Variants in C8orf34 observed in about 807,000 individuals in gnomAD.
C8orf34 encodes uncharacterized protein C8orf34.
C8orf34 carries 65 observed loss-of-function variants against 68.3 expected under a neutral mutation model. The observed-to-expected ratio is 0.95, with a 90% CI of 0.78 to 1.17. C8orf34 has a LOEUF of 1.17. Among genes scored for constraint, C8orf34 ranks in the 50% most tolerant of loss-of-function variants. The pLI, the probability that C8orf34 is intolerant of heterozygous loss-of-function variation, is 0.00. For missense variants in C8orf34, 664 were observed against 655.4 expected (o/e 1.01, Z -0.14); for synonymous variants, 244 against 241.2 (o/e 1.01, Z -0.11).
chr8:68,344,660 G>GT (rs1806207498), intron 1 of C8orf34, among the ~76,000 whole-genome samples: 1 of 152,088 alleles, frequency 6.6e-6, no homozygotes, highest in South Asian at 2.1e-4. Flanking sequence ...CCAAAATATA[G>GT]TTTTTTAACT....
intron 5 of C8orf34, among the ~76,000 whole-genome samples, chr8:68,496,220 T>A (rs919316388): frequency 6.6e-6 from 1 of 152,206 alleles, no homozygotes; most frequent in African/African-American, 2.4e-5. Flanking sequence ...ATAGACTCAA[T>A]AGACAGTTCA....
chr8:68,430,261 G>T (rs1586125054), intron 1 of C8orf34, among the ~76,000 whole-genome samples: 1 of 152,310 alleles, frequency 6.6e-6, no homozygotes, highest in East Asian at 1.9e-4. Flanking sequence ...TGAGGATGGT[G>T]CACCCCGACC....
chr8:68,466,738 C>CATACATATATATATAT (rs1812155225), intron 3 of C8orf34, among the ~76,000 whole-genome samples: 7 of 120,626 alleles, frequency 5.8e-5, no homozygotes, highest in African/African-American at 2.6e-4. Context: ...CAACGTTGTA[C>CATACATATATATATAT]ATATATATAT....
chr8:68,601,187 T>C (rs1817687630), intron 7 of C8orf34, among the ~76,000 whole-genome samples: 1 of 152,140 alleles, frequency 6.6e-6, no homozygotes, highest in South Asian at 2.1e-4. Context: ...TCAATACTTT[T>C]TTTTAGTTTT....
chr8:68,466,658 C>CT (rs1812149480), intron 3 of C8orf34, among the ~76,000 whole-genome samples: 1 of 150,112 alleles, frequency 6.7e-6, no homozygotes, highest in African/African-American at 2.5e-5. Context: ...ATTTAGATTA[C>CT]TAACAGGGTT....
intron 10 of C8orf34, among the ~76,000 whole-genome samples, chr8:68,727,855 C>G (rs1047151168): frequency 3.3e-5 from 5 of 152,172 alleles, no homozygotes; most frequent in African/African-American, 1.2e-4. Flanking sequence ...CCAGCCCATC[C>G]TCCTGGGCCT....
chr8:68,739,899 G>C (rs1349934394), intron 10 of C8orf34, among the ~76,000 whole-genome samples: 1 of 152,034 alleles, frequency 6.6e-6, no homozygotes, highest in African/African-American at 2.4e-5. Context: ...GCATGGTACT[G>C]GTACAAAAAC....
At position 68,533,008 on chromosome 8, in the gene C8orf34, G is replaced by A. The variant is rs541747056; in HGVS notation, c.964G>A (p.Gly322Arg). 1.2e-6 allele frequency: 2 copies of A among 1,604,046 alleles called. No homozygotes were observed. The highest frequency in any genetic ancestry group is 3.4e-5 in the Admixed American group (2 of 58,996). Residue 322 changes from glycine to arginine, a missense_variant, in exon 7 of 14, where the codon GGA (glycine) becomes AGA (arginine). Coordinates refer to ENST00000518698, the MANE Select transcript of C8orf34 (RefSeq NM_052958.4). ...GSLKMEPKNK[G>R]LKQQQQQHKK... is the part of the protein sequence containing the mutation. ...CTTAAAGATGGAGCCTAAGAACAAA[G>A]GATTAAAACAGCAGCAACAGCAACA...
intron 3 of C8orf34, among the ~76,000 whole-genome samples, chr8:68,453,391 G>A (rs1029559155): frequency 9.2e-5 from 14 of 152,026 alleles, no homozygotes; most frequent in African/African-American, 3.1e-4. Flanking sequence ...ACATAACAAG[G>A]TTTCCAATTC....
intron 5 of C8orf34, among the ~76,000 whole-genome samples, chr8:68,502,126 C>T (rs993026593): frequency 2.6e-5 from 4 of 152,082 alleles, no homozygotes; most frequent in African/African-American, 4.8e-5. Context: ...AGTGCAGTGG[C>T]GTGATCTCAG....
At chr8:68,460,447 C>A (rs1811756614) in intron 3 of C8orf34, among the ~76,000 whole-genome samples, 1 of 152,178 alleles carries the variant, frequency 6.6e-6, no homozygotes. Flanking sequence ...AGTGGTTCTC[C>A]CAGCACGCAG....
chr8:68,714,968 C>T (rs539730665), intron 9 of C8orf34, among the ~76,000 whole-genome samples: 18 of 152,088 alleles, frequency 1.2e-4, no homozygotes, highest in Admixed American at 1.0e-3. Context: ...AGAAATAAAC[C>T]CAAATACTTA....
At position 68,546,231 on chromosome 8, in the gene C8orf34, A is replaced by G. The variant is rs1163147329; in HGVS notation, c.1105+13082A>G. Among the ~76,000 whole-genome samples, 3 of 152,066 alleles carry G rather than the reference A, an allele frequency of 2.0e-5. No individual in the cohort carries two copies. In the East Asian group the frequency reaches 5.8e-4, roughly 29 times the overall value. ...CTTAAACCTGAACACATTAATAATT[A>G]CATTAAGTATAAATGAATTACACAC... is the stretch of plus-strand genomic sequence containing the variant. On this transcript the variant is annotated intron_variant, in intron 7 of 13. Coordinates refer to ENST00000518698, the MANE Select transcript of C8orf34 (RefSeq NM_052958.4).
At chr8:68,610,759 G>A (rs1168688339) in intron 7 of C8orf34, among the ~76,000 whole-genome samples, 1 of 151,642 alleles carries the variant, frequency 6.6e-6, no homozygotes, top group South Asian at 2.1e-4. Flanking sequence ...GGGAATGTTA[G>A]TGTCAAGTAC....
chr8:68,589,429 TAAAAG>T (rs200229701), intron 7 of C8orf34, among the ~76,000 whole-genome samples: 1,514 of 105,048 alleles, frequency 0.014, 34 homozygotes, highest in African/African-American at 0.051. Flanking sequence ...GGAGAGAAAA[TAAAAG>T]AAGGAAGGGG....
chr8:68,542,453 A>G (rs1464685070), intron 7 of C8orf34, among the ~76,000 whole-genome samples: 1 of 151,736 alleles, frequency 6.6e-6, no homozygotes, highest in African/African-American at 2.4e-5. Context: ...ACTTTTTCGC[A>G]TTTATGATCT....
intron 5 of C8orf34, among the ~76,000 whole-genome samples, chr8:68,493,195 G>T (rs6991699): frequency 0.042 from 6,361 of 152,154 alleles, 152 homozygotes; most frequent in Middle Eastern, 0.088. Flanking sequence ...TTACACTTCC[G>T]TGCATCAAAG....
chr8:68,622,555 G>A (rs1478674648), intron 7 of C8orf34, among the ~76,000 whole-genome samples: 1 of 152,184 alleles, frequency 6.6e-6, no homozygotes, highest in African/African-American at 2.4e-5. Flanking sequence ...ATGGCAATGA[G>A]CTTGAGACTT....
chr8:68,537,265 T>C (rs545805515), intron 7 of C8orf34, among the ~76,000 whole-genome samples: 157 of 152,180 alleles, frequency 1.0e-3, no homozygotes, highest in Non-Finnish European at 1.8e-3. Context: ...CATGTACCTA[T>C]ATTTTAATAA....
Sources: allele counts gnomAD v4.1 joint callset (sites outside exome capture counted in the v4.1 genomes callset), GRCh38; gene constraint gnomAD v4.1.1; transcripts MANE v1.5; gene names NCBI Gene and HGNC (gene_info 2026-07-23, HGNC 2026-07-21).